The following MED13L variants were observed in gnomAD, a reference collection of about 807,000 sequenced individuals.
The protein encoded by MED13L is mediator complex subunit 13L.
In MED13L, 7 loss-of-function variants were observed where a neutral mutation model predicts 220.9. That is an observed-to-expected ratio of 0.03 (90% CI 0.02 to 0.06). The LOEUF is 0.06. Among genes scored for constraint, MED13L ranks in the 10% least tolerant of loss-of-function variants. The probability of loss-of-function intolerance (pLI) is 1.00; values close to 1 mark genes in which losing one functional copy is unlikely to be tolerated. For missense variants in MED13L, 1,965 were observed against 2,760.5 expected, an observed-to-expected ratio of 0.71 and a Z score of 6.46; for synonymous variants, 1,011 against 1,015.2, an observed-to-expected ratio of 1.00 and a Z score of 0.08.
chr12:115,992,294 G>C (rs1878115692), intron 16 of MED13L, among the ~76,000 whole-genome samples: 1 of 152,108 alleles, frequency 6.6e-6, no homozygotes, highest in Non-Finnish European at 1.5e-5. Context: ...AATGTAATTT[G>C]AAAAGTTAAC....
At chr12:115,996,856 T>C (rs1020885207) in intron 15 of MED13L, among the ~76,000 whole-genome samples, 154 bp downstream of exon 15, 1 of 152,234 alleles carries the variant, frequency 6.6e-6, no homozygotes, top group African/African-American at 2.4e-5. Context: ...AGACACTATT[T>C]AATATGCCTG....
At chr12:116,186,555 T>C (rs183391112) in intron 2 of MED13L, among the ~76,000 whole-genome samples, 3 of 152,256 alleles carry the variant, frequency 2.0e-5, no homozygotes, top group East Asian at 3.9e-4. Context: ...AATCCTGAGG[T>C]AGGCATGTGA....
chr12:116,220,030 C>T (rs1407186199), intron 2 of MED13L, among the ~76,000 whole-genome samples: 1 of 151,930 alleles, frequency 6.6e-6, no homozygotes, highest in African/African-American at 2.4e-5. Context: ...CTCCTGACCT[C>T]GTGATCCACC....
chr12:116,122,198 G>C (rs1294531391), intron 2 of MED13L, among the ~76,000 whole-genome samples: 3 of 152,098 alleles, frequency 2.0e-5, no homozygotes, highest in Non-Finnish European at 4.4e-5. Context: ...TCTAACTGCA[G>C]CAAATGAAGG....
chr12:115,981,579 A>G (rs1202714255), intron 22 of MED13L, among the ~76,000 whole-genome samples: 1 of 152,188 alleles, frequency 6.6e-6, no homozygotes, highest in Non-Finnish European at 1.5e-5. Flanking sequence ...CCTCTTTTGG[A>G]ATGGAATTTG....
At chr12:115,963,620 G>A (rs566895291) in intron 29 of MED13L, 101 bp from the exon 30 acceptor site, 18 of 854,508 alleles carry the variant, frequency 2.1e-5, no homozygotes, top group South Asian at 1.7e-4. Context: ...CCAAAAGTCC[G>A]TAGAAGTCAG....
intron 4 of MED13L, among the ~76,000 whole-genome samples, chr12:116,027,308 G>A (rs1316110012): frequency 3.3e-5 from 5 of 152,110 alleles, no homozygotes; most frequent in Admixed American, 3.3e-4. Flanking sequence ...TGTAGTCCCA[G>A]CTACTCGGGT....
At chr12:116,244,142 T>C (rs1870892236) in intron 1 of MED13L, among the ~76,000 whole-genome samples, 2 of 152,186 alleles carry the variant, frequency 1.3e-5, no homozygotes, top group African/African-American at 4.8e-5. Context: ...AAGCATGCAT[T>C]AGGAAATTCC....
At chr12:116,049,838 AG>A (rs774140700) in intron 4 of MED13L, among the ~76,000 whole-genome samples, 22 of 152,230 alleles carry the variant, frequency 1.4e-4, no homozygotes, top group Non-Finnish European at 3.1e-4. Context: ...TTCAAATGGC[AG>A]GAATCATAAA....
chr12:115,976,221 C>T (rs964655754), intron 23 of MED13L, among the ~76,000 whole-genome samples: 12 of 152,062 alleles, frequency 7.9e-5, no homozygotes, highest in East Asian at 1.9e-4. Flanking sequence ...AGAATATTCA[C>T]GATAGTATTA....
chr12:116,101,375 T>G (rs887736365), intron 3 of MED13L, among the ~76,000 whole-genome samples: 1 of 152,238 alleles, frequency 6.6e-6, no homozygotes, highest in Non-Finnish European at 1.5e-5. Flanking sequence ...AGGTGCTCAA[T>G]AAATATATGA....
chr12:116,191,777 T>TG (rs1180787912), intron 2 of MED13L, among the ~76,000 whole-genome samples: 9 of 152,092 alleles, frequency 5.9e-5, no homozygotes, highest in African/African-American at 1.7e-4. Flanking sequence ...GCCCAGGAGT[T>TG]GGAGACCAGC....
At chr12:116,215,684 A>G (rs1334585153) in intron 2 of MED13L, among the ~76,000 whole-genome samples, 5 of 152,192 alleles carry the variant, frequency 3.3e-5, no homozygotes, top group Non-Finnish European at 5.9e-5. Flanking sequence ...ATTAATTTTA[A>G]TACCAATAAG....
intron 28 of MED13L, among the ~76,000 whole-genome samples, chr12:115,968,635 T>G (rs1400928369): frequency 6.6e-6 from 1 of 152,188 alleles, no homozygotes; most frequent in Admixed American, 6.5e-5. Flanking sequence ...ATTAAAAAAC[T>G]GGGAAGCAGC....
intron 2 of MED13L, among the ~76,000 whole-genome samples, chr12:116,127,339 G>C (rs1207564883): frequency 6.6e-6 from 1 of 152,070 alleles, no homozygotes; most frequent in Non-Finnish European, 1.5e-5. Flanking sequence ...ATACATATGA[G>C]ATAATAGGTT....
intron 2 of MED13L, among the ~76,000 whole-genome samples, chr12:116,136,210 C>A (rs534701869): frequency 6.6e-6 from 1 of 152,160 alleles, no homozygotes; most frequent in African/African-American, 2.4e-5. Flanking sequence ...CTCAAAGATT[C>A]TTTTGGCTGT....
At chr12:116,250,268 T>C (rs551912350) in intron 1 of MED13L, among the ~76,000 whole-genome samples, 93 of 149,154 alleles carry the variant, frequency 6.2e-4, no homozygotes, top group African/African-American at 9.9e-4. Context: ...CAAAGACGAA[T>C]AGCCCTCAAA....
intron 6 of MED13L, 51 bp from the exon 7 acceptor site, chr12:116,019,463 C>T (rs1411785797): frequency 3.2e-6 from 5 of 1,581,744 alleles, no homozygotes; most frequent in South Asian, 2.2e-5. Flanking sequence ...AGAATTCATA[C>T]AAGACTTCCA....
At chr12:116,269,768 A>T (rs189192729) in intron 1 of MED13L, among the ~76,000 whole-genome samples, 14 of 152,346 alleles carry the variant, frequency 9.2e-5, no homozygotes, top group Non-Finnish European at 1.6e-4. Context: ...CGCTATTTCA[A>T]AGTAGTAGAA....
Sources: gnomAD v4.1 joint callset for allele counts (sites outside exome capture counted in the v4.1 genomes callset) on GRCh38, gnomAD v4.1.1 for gene constraint, MANE v1.5 for transcripts, NCBI Gene and HGNC (gene_info 2026-07-23, HGNC 2026-07-21) for gene names.